The following HCN1 variants were observed in gnomAD, a reference collection of about 807,000 sequenced individuals.
The protein encoded by HCN1 is hyperpolarization activated cyclic nucleotide gated potassium channel 1.
A neutral mutation model predicts 78.9 loss-of-function variants in HCN1; 13 were observed. That is an observed-to-expected ratio of 0.16 (90% CI 0.11 to 0.26). The LOEUF is 0.26. Among genes scored for constraint, HCN1 ranks in the 10% least tolerant of loss-of-function variants. The probability of loss-of-function intolerance (pLI) is 1.00; values close to 1 mark genes in which losing one functional copy is unlikely to be tolerated. For synonymous variants in HCN1, 552 were observed against 455.5 expected (o/e 1.21, Z -2.70); for missense variants, 810 against 1,154.3 (o/e 0.70, Z 4.32).
At chr5:45,633,097 TTTG>T (rs1262583678) in intron 2 of HCN1, among the ~76,000 whole-genome samples, 1 of 151,928 alleles carries the variant, frequency 6.6e-6, no homozygotes, top group Admixed American at 6.6e-5. Context: ...AGGTTCACTT[TTTG>T]TTAAGTTCTC....
At chr5:45,439,164 T>G (rs1038769749) in intron 3 of HCN1, among the ~76,000 whole-genome samples, 4 of 152,146 alleles carry the variant, frequency 2.6e-5, no homozygotes, top group African/African-American at 9.6e-5. Flanking sequence ...TTGTTTATTT[T>G]CAAGTACCAA....
At chr5:45,548,413 GA>G (rs1438633903) in intron 2 of HCN1, among the ~76,000 whole-genome samples, 1 of 151,714 alleles carries the variant, frequency 6.6e-6, no homozygotes, top group Non-Finnish European at 1.5e-5. Context: ...TGAATAAAGA[GA>G]AAAGTCAATG....
chr5:45,439,614 C>T (rs1740632274), intron 3 of HCN1, among the ~76,000 whole-genome samples: 2 of 152,076 alleles, frequency 1.3e-5, no homozygotes, highest in African/African-American at 4.8e-5. Flanking sequence ...TGAAGTTATT[C>T]CAACTGCGCT....
At chr5:45,664,791 A>T (rs1236929937) in intron 1 of HCN1, among the ~76,000 whole-genome samples, 1 of 151,996 alleles carries the variant, frequency 6.6e-6, no homozygotes, top group Non-Finnish European at 1.5e-5. Flanking sequence ...TTAAAAAGTC[A>T]GGAAACAACA....
chr5:45,651,487 CATAA>C (rs750866668), intron 1 of HCN1, among the ~76,000 whole-genome samples: 83 of 152,014 alleles, frequency 5.5e-4, no homozygotes, highest in Non-Finnish European at 9.3e-4. Flanking sequence ...TATCAACCTG[CATAA>C]ATAAACAAAT....
intron 6 of HCN1, among the ~76,000 whole-genome samples, chr5:45,282,103 T>G (rs903997532): frequency 2.6e-5 from 4 of 152,124 alleles, no homozygotes; most frequent in Non-Finnish European, 4.4e-5. Context: ...ATTAATAAAT[T>G]TTGCAATATG....
intron 6 of HCN1, among the ~76,000 whole-genome samples, chr5:45,289,493 A>G (rs1745331256): frequency 6.6e-6 from 1 of 152,100 alleles, no homozygotes; most frequent in Non-Finnish European, 1.5e-5. Context: ...AAGTAACACA[A>G]CAGAATAATA....
intron 4 of HCN1, among the ~76,000 whole-genome samples, chr5:45,382,823 T>G (rs765485247): frequency 6.6e-6 from 1 of 152,180 alleles, no homozygotes; most frequent in Non-Finnish European, 1.5e-5. Flanking sequence ...TACGAAATGA[T>G]GAATACACCC....
chr5:45,338,680 C>A (rs1223796761), intron 5 of HCN1, among the ~76,000 whole-genome samples: 1 of 152,100 alleles, frequency 6.6e-6, no homozygotes, highest in Non-Finnish European at 1.5e-5. Flanking sequence ...AAGTGAAACA[C>A]AGCTTTTGAA....
At chr5:45,348,321 G>A (rs1746795706) in intron 5 of HCN1, among the ~76,000 whole-genome samples, 2 of 151,154 alleles carry the variant, frequency 1.3e-5, no homozygotes, top group South Asian at 4.3e-4. Flanking sequence ...AATGCTGAGA[G>A]ATTTTGTCAC....
intron 3 of HCN1, among the ~76,000 whole-genome samples, chr5:45,425,009 T>G (rs902239006): frequency 1.3e-5 from 2 of 152,206 alleles, no homozygotes; most frequent in Non-Finnish European, 2.9e-5. Context: ...TGTTTGTCAT[T>G]TGAATATAAT....
At chr5:45,524,648 GCTCT>G (rs1161596423) in intron 2 of HCN1, among the ~76,000 whole-genome samples, 3 of 151,864 alleles carry the variant, frequency 2.0e-5, no homozygotes, top group African/African-American at 7.3e-5. Flanking sequence ...TCATGATTTG[GCTCT>G]CTGTTTGTCT....
At chr5:45,649,295 T>TA in intron 1 of HCN1, among the ~76,000 whole-genome samples, 1 of 152,162 alleles carries the variant, frequency 6.6e-6, no homozygotes, top group South Asian at 2.1e-4. Context: ...ATGGAAAACT[T>TA]TAACTGAGTG....
intron 4 of HCN1, among the ~76,000 whole-genome samples, chr5:45,366,178 G>T (rs1212213458): frequency 1.3e-5 from 2 of 151,494 alleles, no homozygotes; most frequent in Admixed American, 6.6e-5. Flanking sequence ...GTGTGTGTGT[G>T]TGTGTGTGTG....
intron 4 of HCN1, among the ~76,000 whole-genome samples, chr5:45,386,840 C>A (rs1747934003): frequency 1.3e-5 from 2 of 152,032 alleles, no homozygotes; most frequent in Admixed American, 1.3e-4. Context: ...AATTTACGAT[C>A]ATTTTTATTA....
intron 3 of HCN1, 72 bp from the exon 4 acceptor site, chr5:45,396,782 A>T: frequency 9.2e-7 from 1 of 1,089,950 alleles, no homozygotes; most frequent in Non-Finnish European, 1.4e-6. Context: ...TAGGACCTGT[A>T]CACAGAAGCA....
intron 2 of HCN1, chr5:45,574,774 T>C (rs957330370): frequency 6.6e-6 from 1 of 151,578 alleles, no homozygotes; most frequent in African/African-American, 2.4e-5. Flanking sequence ...AACACAGGAG[T>C]GATAAGAAAG....
At chr5:45,367,137 C>T (rs1334784159) in intron 4 of HCN1, among the ~76,000 whole-genome samples, 1 of 151,658 alleles carries the variant, frequency 6.6e-6, no homozygotes, top group Non-Finnish European at 1.5e-5. Context: ...AAGTGTTGCA[C>T]AGCAGAATAA....
chr5:45,272,360 G>A (rs1247310568), intron 6 of HCN1, among the ~76,000 whole-genome samples: 1 of 151,952 alleles, frequency 6.6e-6, no homozygotes, highest in Non-Finnish European at 1.5e-5. Context: ...AATTATGTAT[G>A]TATTAGTTTA....
Sources: gnomAD v4.1 joint callset for allele counts (sites outside exome capture counted in the v4.1 genomes callset) on GRCh38, gnomAD v4.1.1 for gene constraint, MANE v1.5 for transcripts, NCBI Gene and HGNC (gene_info 2026-07-23, HGNC 2026-07-21) for gene names.